Variants in PSEN1 observed in about 807,000 individuals in gnomAD.
PSEN1 encodes the protein presenilin-1.
PSEN1 carries 15 observed loss-of-function variants against 53.5 expected under a neutral mutation model. That is an observed-to-expected ratio of 0.28 (90% confidence interval 0.19 to 0.43). PSEN1 has a LOEUF of 0.43. PSEN1 is among the 20% of genes least tolerant of loss of function. The pLI, the probability that PSEN1 is intolerant of heterozygous loss-of-function variation, is 1.00. For missense variants in PSEN1, 387 were observed against 571.2 expected (o/e 0.68, Z 3.29); for synonymous variants, 208 against 209.8 (o/e 0.99, Z 0.08).
rs1566617333 is a variant in PSEN1 at position 73,147,809 on chromosome 14, C to T, written c.-121C>T. The T allele has an allele frequency of 1.7e-6, 1 of 571,534 alleles. No individual in the cohort carries two copies. The highest frequency in any genetic ancestry group is 3.1e-6 in the Non-Finnish European group (1 of 319,348). 35.4% of individuals were successfully genotyped at this position (571,534 alleles called of 1,614,324 possible). Reference sequence around the variant, plus strand: ...TCCTATTTCAGACCTAATCTGGGAGCCTGCAAGTGACAACAGCCTTTGCGG... The same window carrying T: ...TCCTATTTCAGACCTAATCTGGGAGTCTGCAAGTGACAACAGCCTTTGCGG... On this transcript the variant is annotated 5_prime_UTR_variant, in exon 2 of 12. Coordinates refer to ENST00000324501, the MANE Select transcript of PSEN1 (RefSeq NM_000021.4).
chr14:73,209,351 A>G (rs1422471300), intron 9 of PSEN1, among the ~76,000 whole-genome samples: 2 of 152,258 alleles, frequency 1.3e-5, no homozygotes, highest in African/African-American at 4.8e-5. Flanking sequence ...AGTAAACCTG[A>G]TAGAAAAGTA....
At chr14:73,146,131 C>T (rs1313891041) in intron 1 of PSEN1, 2 of 150,080 alleles carry the variant, frequency 1.3e-5, no homozygotes, top group Non-Finnish European at 1.5e-5. Context: ...ACAAAGGTAT[C>T]GATAACTCTT....
chr14:73,146,271 T>G (rs1897069629), intron 1 of PSEN1: 1 of 149,132 alleles, frequency 6.7e-6, no homozygotes, highest in Non-Finnish European at 1.5e-5. Context: ...CACTGCAGCC[T>G]CTAATTCCTG....
rs201644344 is a variant in PSEN1 at position 73,173,593 on chromosome 14, C to T, written c.366C>T (p.Thr122=). The change falls in exon 5 of 12, where the codon ACC becomes ACT. Residue 122 remains threonine (T), a synonymous_variant. Coordinates refer to ENST00000324501, the MANE Select transcript of PSEN1 (RefSeq NM_000021.4). The part of the protein sequence containing the change: ...QLIYTPFTED[T]ETVGQRALHS... ...TCTATACCCCATTCACAGAAGATAC[C>T]GAGACTGTGGGCCAGAGAGCCCTGC... The T allele has an allele frequency of 5.0e-5, 81 of 1,613,846 alleles. No individual in the cohort carries two copies. Among genetic ancestry groups the T allele is most frequent in the South Asian group, 4.3e-4 (39 of 91,082 alleles).
intron 7 of PSEN1, among the ~76,000 whole-genome samples, chr14:73,194,080 G>A (rs1898837020): frequency 6.6e-6 from 1 of 152,176 alleles, no homozygotes; most frequent in Non-Finnish European, 1.5e-5. Context: ...CCACCAGTGT[G>A]ACATGGGTCC....
intron 3 of PSEN1, among the ~76,000 whole-genome samples, chr14:73,158,355 T>A (rs1331410624): frequency 1.3e-5 from 2 of 151,514 alleles, no homozygotes; most frequent in Admixed American, 6.6e-5. Context: ...GGAGTTTTGC[T>A]CCATCTGGAG....
rs1196983078 is a variant in PSEN1, at chr14:73,184,491, G to A, written c.481-2362G>A. Among the ~76,000 whole-genome samples the A allele has an allele frequency of 8.7e-4, 93 of 107,494 alleles. 2 individuals are homozygous for A. The East Asian group carries it at 0.03, about 34-fold the overall frequency. 70.5% of individuals were successfully genotyped at this position (107,494 alleles called of 152,430 possible). A position where few individuals can be genotyped will look rare whatever the true frequency, so the allele number is the denominator to read the frequency against. The stretch of plus-strand genomic sequence containing the variant: ...CGGGCAGAGGCGCCCCTCACCTCCC[G>A]GACGGGGCGGCTGGCCGGGCGGGGG... On this transcript the variant is annotated intron_variant, in intron 5 of 11. Coordinates refer to ENST00000324501, the MANE Select transcript of PSEN1 (RefSeq NM_000021.4).
At chr14:73,206,574 T>G in intron 9 of PSEN1, 102 bp downstream of exon 9, 1 of 791,068 alleles carries the variant, frequency 1.3e-6, no homozygotes, top group South Asian at 1.5e-5. Context: ...CATAGACTCC[T>G]TTGAGAATCT....
At chr14:73,141,714 G>A (rs543325928) in intron 1 of PSEN1, among the ~76,000 whole-genome samples, 54 of 152,226 alleles carry the variant, frequency 3.5e-4, no homozygotes, top group African/African-American at 1.3e-3. Flanking sequence ...GAACCCAGGA[G>A]GTGGAAGTTG....
At chr14:73,177,010 A>G (rs3025782) in intron 5 of PSEN1, among the ~76,000 whole-genome samples, 2,288 of 149,944 alleles carry the variant, frequency 0.015, 58 homozygotes, top group African/African-American at 0.052. Context: ...TTTTGAACCT[A>G]ATTTTTTCTG....
intron 8 of PSEN1, among the ~76,000 whole-genome samples, chr14:73,200,350 A>G (rs1899128669): frequency 6.6e-6 from 1 of 151,244 alleles, no homozygotes; most frequent in Non-Finnish European, 1.5e-5. Flanking sequence ...ACTCACTGCA[A>G]CCTCCATCTC....
At chr14:73,196,890 TTATTTTTA>T (rs1192093558) in intron 7 of PSEN1, among the ~76,000 whole-genome samples, 1 of 151,956 alleles carries the variant, frequency 6.6e-6, no homozygotes, top group Admixed American at 6.6e-5. Context: ...GTGTTTAAAA[TTATTTTTA>T]TATTTTTATA....
chr14:73,193,543 C>CT (rs1322863371), intron 7 of PSEN1, among the ~76,000 whole-genome samples: 4 of 97,748 alleles, frequency 4.1e-5, no homozygotes, highest in Non-Finnish European at 7.8e-5. Flanking sequence ...GAGCGAGACT[C>CT]TGTCTCAAAA....
chr14:73,170,197 C>T (rs550162338), intron 3 of PSEN1, among the ~76,000 whole-genome samples: 1 of 152,082 alleles, frequency 6.6e-6, no homozygotes, highest in Non-Finnish European at 1.5e-5. Flanking sequence ...TGGGTTTTGG[C>T]CAGCTTCTTT....
At chr14:73,183,642 G>T (rs1566635917) in intron 5 of PSEN1, among the ~76,000 whole-genome samples, 1 of 152,092 alleles carries the variant, frequency 6.6e-6, no homozygotes, top group Non-Finnish European at 1.5e-5. Context: ...AGGATCCCAA[G>T]GCAGAAGAAG....
intron 10 of PSEN1, among the ~76,000 whole-genome samples, chr14:73,212,489 A>G (rs907865702): frequency 3.3e-5 from 5 of 152,026 alleles, no homozygotes; most frequent in Non-Finnish European, 5.9e-5. Context: ...TTGTTTTTTT[A>G]ATTGTTCCAG....
chr14:73,197,867 C>A (rs977767717), intron 7 of PSEN1, 164 bp from the exon 8 acceptor site: 6 of 617,372 alleles, frequency 9.7e-6, no homozygotes, highest in Non-Finnish European at 1.4e-5. Flanking sequence ...CCCCCACCCC[C>A]ACCAGTTCAC....
At chr14:73,183,283 A>G (rs1898281546) in intron 5 of PSEN1, among the ~76,000 whole-genome samples, 1 of 138,130 alleles carries the variant, frequency 7.2e-6, no homozygotes, top group South Asian at 2.5e-4. Context: ...ATGTCTGGCT[A>G]ATTTTTGTAT....
At chr14:73,145,597 C>T (rs1429131565) in intron 1 of PSEN1, among the ~76,000 whole-genome samples, 1 of 152,078 alleles carries the variant, frequency 6.6e-6, no homozygotes, top group Non-Finnish European at 1.5e-5. Context: ...ATCTCAGCCT[C>T]CCACAGTGCT....
Sources: allele counts gnomAD v4.1 joint callset (sites outside exome capture counted in the v4.1 genomes callset), GRCh38; gene constraint gnomAD v4.1.1; transcripts MANE v1.5; gene names NCBI Gene and HGNC (gene_info 2026-07-23, HGNC 2026-07-21).